CALCOCO2: variants seen among roughly 807,000 people sequenced by gnomAD.
The protein encoded by CALCOCO2 is calcium-binding and coiled-coil domain-containing protein 2.
Under a neutral mutation model 62.5 loss-of-function variants are expected in CALCOCO2, and 42 were observed. That is an observed-to-expected ratio of 0.67 (90% CI 0.53 to 0.87). The LOEUF is 0.87. Ranked by LOEUF, CALCOCO2 falls within the 40% of genes least tolerant of loss-of-function variation. The pLI, the probability that CALCOCO2 is intolerant of heterozygous loss-of-function variation, is 0.00. For synonymous variants in CALCOCO2, 167 were observed against 173.0 expected, an observed-to-expected ratio of 0.97 and a Z score of 0.27; for missense variants, 456 against 515.0, an observed-to-expected ratio of 0.89 and a Z score of 1.11.
At chr17:48,842,154 C>CTTT (rs200836727) in intron 2 of CALCOCO2, 21 of 136,632 alleles carry the variant, frequency 1.5e-4, no homozygotes, top group Non-Finnish European at 2.1e-4. Flanking sequence ...TTTTTCTTTT[C>CTTT]TTTTTTTTTT....
rs59633969 is a variant in CALCOCO2 at position 48,834,106 on chromosome 17, CAAAAAAAA to C, written c.-11+3046_-11+3053del. 5.5e-3 allele frequency among the ~76,000 whole-genome samples: 381 copies of C among 69,854 alleles called. 1 individual carries two copies. The highest frequency in any genetic ancestry group is 7.6e-3 in the Non-Finnish European group (262 of 34,310). 45.8% of individuals were successfully genotyped at this position (69,854 alleles called of 152,430 possible). A position where few individuals can be genotyped will look rare whatever the true frequency, so the allele number is the denominator to read the frequency against. ...CACTCCAGCCTGCAAGACCCTATGT[CAAAAAAAA>C]AAAAAAAAAAAAAAAAAGCAAGAGC... is the stretch of plus-strand genomic sequence containing the variant. On this transcript the variant is annotated intron_variant, in intron 1 of 12. Transcript: ENST00000258947.
At chr17:48,843,947 A>T (rs1210849786) in intron 2 of CALCOCO2, 1 of 152,002 alleles carries the variant, frequency 6.6e-6, no homozygotes, top group Non-Finnish European at 1.5e-5. Context: ...GCAATGGCGC[A>T]ATCTCGGCTC....
At chr17:48,858,046 A>ATAGAGAATAGAATAGAATAGAG in intron 10 of CALCOCO2, among the ~76,000 whole-genome samples, 1 of 40,040 alleles carries the variant, frequency 2.5e-5, no homozygotes, top group Non-Finnish European at 4.9e-5. Flanking sequence ...ATAGAATAGA[A>ATAGAGAATAGAATAGAATAGAG]AATAGAATAG....
At position 48,851,011 on chromosome 17, in the gene CALCOCO2, A is replaced by G. The variant is rs927487515; in HGVS notation, c.544-78A>G. 4 of 781,288 alleles carry G rather than the reference A, an allele frequency of 5.1e-6. No homozygotes were observed. In the African/African-American group the frequency reaches 6.8e-5, roughly 13 times the overall value. 48.4% of individuals were successfully genotyped at this position (781,288 alleles called of 1,614,324 possible). A position where few individuals can be genotyped will look rare whatever the true frequency, so the allele number is the denominator to read the frequency against. ...CTGACATATAGTAAGTGCTCAATAA[A>G]TATTTGTTGCCTGCCTAAGATACTC... On this transcript the variant is annotated intron_variant, in intron 5 of 12. Transcript: ENST00000258947.
At chr17:48,862,014 A>G (rs1453754201) in intron 11 of CALCOCO2, among the ~76,000 whole-genome samples, 2 of 149,186 alleles carry the variant, frequency 1.3e-5, no homozygotes, top group Non-Finnish European at 3.0e-5. Flanking sequence ...ACACTAGTGC[A>G]CTCCAGCCTA....
Position 48,856,085 on chromosome 17 carries a change from T to C in CALCOCO2, c.913-7T>C, listed in dbSNP as rs755682584. On this transcript the variant is annotated splice_polypyrimidine_tract_variant and splice_region_variant and intron_variant, in intron 9 of 12. Coordinates refer to ENST00000258947, the MANE Select transcript of CALCOCO2 (RefSeq NM_005831.5). ...ATCCTAATCCTAATTTTTTTTATTG[T>C]TGACAGGATGAAAACTTTGACCTGT... 2.0e-6 allele frequency: 3 copies of C among 1,503,688 alleles called. No individual in the cohort carries two copies. Among genetic ancestry groups the C allele is most frequent in the Non-Finnish European group, 2.8e-6 (3 of 1,085,806 alleles). The allele number at this position is 1,503,688 out of a possible 1,614,324, so 93.1% of individuals were successfully genotyped here.
chr17:48,852,976 T>C lies in CALCOCO2; in HGVS notation c.876T>C (p.Asn292=). The C allele has an allele frequency of 6.2e-7, 1 of 1,613,600 alleles. No individual in the cohort carries two copies. The highest frequency in any genetic ancestry group is 8.5e-7 in the Non-Finnish European group (1 of 1,179,540). The change falls in exon 9 of 13, where the codon AAT becomes AAC. Residue 292 remains asparagine (N), a synonymous_variant. Transcript: ENST00000258947. ...AGACAGTGGAGCAAATGAAGCAGAA[T>C]GAAACTACTGCAATGAAGAAACAAC... ...LEQTVEQMKQ[N]ETTAMKKQQE...
rs56280364 is a variant in CALCOCO2, at chr17:48,845,371, CTGTGTGTGTGTGTGTGTGTG to C, written c.181-2661_181-2642del. On this transcript the variant is annotated intron_variant, in intron 2 of 12. Transcript: ENST00000258947. ...TGTGTATTGCCTAATTAAATCCTCA[CTGTGTGTGTGTGTGTGTGTG>C]TGTGTGTGTGTGTGTGTGTGTGTGT... 2.6e-3 allele frequency among the ~76,000 whole-genome samples: 302 copies of C among 116,284 alleles called. 7 individuals are homozygous for C. In the East Asian group the frequency reaches 0.05, roughly 19 times the overall value. The allele number at this position is 116,284 out of a possible 152,430, so 76.3% of individuals were successfully genotyped here.
In CALCOCO2 at chr17:48,852,992, A is replaced by C; in HGVS notation, c.892A>C (p.Lys298Gln). ...QMKQNETTAM[K>Q]KQQELMDENF... ...GAAGCAGAATGAAACTACTGCAATG[A>C]AGAAACAACAGGAATTAATGGCATG... Residue 298 changes from lysine (K) to glutamine (Q), a missense_variant, in exon 9 of 13, where the codon AAG becomes CAG. This residue lies in a region of CALCOCO2 where 172 missense variants were observed against 210.3 expected (regional missense o/e 0.82). Coordinates refer to ENST00000258947, the MANE Select transcript of CALCOCO2 (RefSeq NM_005831.5). 1 of 1,612,150 alleles carries C rather than the reference A, an allele frequency of 6.2e-7. No individual in the cohort carries two copies. The highest frequency in any genetic ancestry group is 8.5e-7 in the Non-Finnish European group (1 of 1,178,160).
intron 9 of CALCOCO2, 67 bp from the exon 10 acceptor site, chr17:48,856,025 C>A: frequency 1.3e-6 from 1 of 743,006 alleles, no homozygotes; most frequent in Non-Finnish European, 2.2e-6. Flanking sequence ...AGATTCTCTA[C>A]AATTTCTCAC....
At chr17:48,843,611 C>CA (rs1366730536) in intron 2 of CALCOCO2, among the ~76,000 whole-genome samples, 1 of 152,206 alleles carries the variant, frequency 6.6e-6, no homozygotes, top group Admixed American at 6.5e-5. Context: ...CAGCAGGACA[C>CA]TGGCAAGTAT....
intron 2 of CALCOCO2, among the ~76,000 whole-genome samples, chr17:48,845,742 AAAGAAAAG>A (rs1272424030): frequency 6.9e-6 from 1 of 145,134 alleles, no homozygotes; most frequent in African/African-American, 2.5e-5. Context: ...AAAAAAAAAA[AAAGAAAAG>A]AAAAGAAAGA....
chr17:48,851,243 C>A, intron 6 of CALCOCO2, 66 bp downstream of exon 6: 2 of 891,596 alleles, frequency 2.2e-6, no homozygotes, highest in South Asian at 1.3e-5. Flanking sequence ...TAAGTACAGT[C>A]AGATTAGATT....
At chr17:48,852,828 G>A in intron 8 of CALCOCO2, 98 bp from the exon 9 acceptor site, 2 of 1,029,264 alleles carry the variant, frequency 1.9e-6, no homozygotes, top group Admixed American at 3.8e-5. Flanking sequence ...CTCTCCCTAT[G>A]CATCCTGCTT....
At chr17:48,843,194 G>A (rs1304104676) in intron 2 of CALCOCO2, among the ~76,000 whole-genome samples, 1 of 152,152 alleles carries the variant, frequency 6.6e-6, no homozygotes, top group Non-Finnish European at 1.5e-5. Context: ...CACCCCGTCA[G>A]TTCAAGTACA....
At position 48,851,148 on chromosome 17, in the gene CALCOCO2, G is replaced by C; in HGVS notation, c.603G>C (p.Gln201His). 5 of 1,610,716 alleles carry C rather than the reference G, an allele frequency of 3.1e-6. No homozygotes were observed. The highest frequency in any genetic ancestry group is 4.2e-6 in the Non-Finnish European group (5 of 1,176,944). ...AGTTGGAACTGAAAGTGAAAGAACAGAAGGACTATTGGGAGACAGAGCTGC... is the reference window on the plus strand; with the variant it reads ...AGTTGGAACTGAAAGTGAAAGAACACAAGGACTATTGGGAGACAGAGCTGC... Reference protein sequence around the residue: ...NKKLELKVKEQKDYWETELLQ... With the variant: ...NKKLELKVKEHKDYWETELLQ... The change falls in exon 6 of 13, where the codon CAG becomes CAC. Residue 201 changes from glutamine to histidine, a missense_variant. Gln to His is a conservative substitution (Grantham distance 24). Around this residue, in one of 3 missense-constraint regions of CALCOCO2, gnomAD observed 236 missense variants for 225.3 expected, o/e 1.05. Coordinates refer to ENST00000258947, the MANE Select transcript of CALCOCO2 (RefSeq NM_005831.5).
chr17:48,844,359 A>G (rs1057286557), intron 2 of CALCOCO2, among the ~76,000 whole-genome samples: 14 of 151,820 alleles, frequency 9.2e-5, no homozygotes, highest in African/African-American at 3.1e-4. Flanking sequence ...TTTTTGGAAC[A>G]TCGTTATATT....
intron 2 of CALCOCO2, among the ~76,000 whole-genome samples, chr17:48,845,710 C>A (rs1803256590): frequency 1.5e-5 from 2 of 132,478 alleles, no homozygotes; most frequent in African/African-American, 2.8e-5. Context: ...GCCTGGGCAA[C>A]AGAGCGAGAC....
chr17:48,832,147 C>T (rs1411568614), intron 1 of CALCOCO2, among the ~76,000 whole-genome samples: 1 of 152,234 alleles, frequency 6.6e-6, no homozygotes, highest in East Asian at 1.9e-4. Flanking sequence ...AATCTCAGCA[C>T]TTTGGGAGGC....
Sources: gnomAD v4.1 joint callset for allele counts (sites outside exome capture counted in the v4.1 genomes callset) on GRCh38, gnomAD v4.1.1 for gene constraint, gnomAD v4.1.1 regional missense constraint, MANE v1.5 for transcripts, NCBI Gene and HGNC (gene_info 2026-07-23, HGNC 2026-07-21) for gene names.